Variants in ENTPD7 observed in about 807,000 individuals in gnomAD.
ENTPD7 encodes NTPDase 7.
Under a neutral mutation model 77.9 loss-of-function variants are expected in ENTPD7, and 53 were observed. The ratio of observed to expected loss-of-function variants is 0.68; its 90% CI spans 0.55 to 0.85. ENTPD7 has a LOEUF of 0.85. Among genes scored for constraint, ENTPD7 ranks in the 40% least tolerant of loss-of-function variants. The pLI is 0.00. For missense variants in ENTPD7, 636 were observed against 743.7 expected, an observed-to-expected ratio of 0.86 and a Z score of 1.68; for synonymous variants, 248 against 274.9, an observed-to-expected ratio of 0.90 and a Z score of 0.97.
rs2036312688 is a variant in ENTPD7, at chr10:99,709,293, A to C, written c.*4610A>C. The C allele has an allele frequency of 1.0e-6, 1 of 985,358 alleles. No individual in the cohort carries two copies. Among genetic ancestry groups the C allele is most frequent in the Non-Finnish European group, 1.2e-6 (1 of 829,900 alleles). 61.0% of individuals were successfully genotyped at this position (985,358 alleles called of 1,614,324 possible). A position where few individuals can be genotyped will look rare whatever the true frequency, so the allele number is the denominator to read the frequency against. ...TTTAAACTTTTCAAATTAATTCAAAACTAGTATCTAATTGTCCTTTTTGCT... is the reference window on the plus strand; with the variant it reads ...TTTAAACTTTTCAAATTAATTCAAACCTAGTATCTAATTGTCCTTTTTGCT... On this transcript the variant is annotated 3_prime_UTR_variant, in exon 13 of 13. Coordinates refer to ENST00000370489, the MANE Select transcript of ENTPD7 (RefSeq NM_020354.5).
chr10:99,688,983 C>T (rs1590048267), intron 7 of ENTPD7, among the ~76,000 whole-genome samples: 1 of 152,078 alleles, frequency 6.6e-6, no homozygotes, highest in Non-Finnish European at 1.5e-5. Flanking sequence ...GGACCCATTA[C>T]CCAGGCTCAA....
chr10:99,698,135 C>T (rs1452585584), intron 9 of ENTPD7, among the ~76,000 whole-genome samples: 1 of 152,202 alleles, frequency 6.6e-6, no homozygotes, highest in East Asian at 1.9e-4. Flanking sequence ...TCAGGAATCT[C>T]TCCCCACAGT....
intron 6 of ENTPD7, 116 bp from the exon 7 acceptor site, chr10:99,688,578 T>C: frequency 1.1e-6 from 1 of 934,564 alleles, no homozygotes; most frequent in Non-Finnish European, 1.6e-6. Flanking sequence ...GAGTATGGAA[T>C]AAAATACTAT....
intron 5 of ENTPD7, among the ~76,000 whole-genome samples, chr10:99,682,149 G>A (rs903089676): frequency 1.3e-5 from 2 of 151,028 alleles, no homozygotes; most frequent in Non-Finnish European, 2.9e-5. Flanking sequence ...GGTCTCATAG[G>A]CATCAGGTAT....
chr10:99,660,945 A>C (rs975906895), intron 2 of ENTPD7, among the ~76,000 whole-genome samples: 4 of 152,130 alleles, frequency 2.6e-5, no homozygotes, highest in Admixed American at 2.0e-4. Context: ...ATTACACAGC[A>C]ACTGGGTAGT....
intron 10 of ENTPD7, chr10:99,700,757 C>G (rs1451893939): frequency 1.7e-6 from 1 of 590,882 alleles, no homozygotes; most frequent in Non-Finnish European, 3.0e-6. Flanking sequence ...CTAAGAGGCT[C>G]AGAAGCCACA....
At chr10:99,698,455 T>C in intron 9 of ENTPD7, 79 bp from the exon 10 acceptor site, 1 of 1,365,066 alleles carries the variant, frequency 7.3e-7, no homozygotes, top group South Asian at 1.4e-5. Flanking sequence ...ATATTTCTGA[T>C]GCACATTGTG....
chr10:99,683,745 T>G (rs1184665419), intron 5 of ENTPD7, among the ~76,000 whole-genome samples: 3 of 152,156 alleles, frequency 2.0e-5, no homozygotes, highest in African/African-American at 7.2e-5. Context: ...ACATCTCTTA[T>G]CTTTTCATGT....
intron 7 of ENTPD7, 91 bp from the exon 8 acceptor site, chr10:99,691,294 T>C: frequency 2.9e-6 from 4 of 1,401,282 alleles, no homozygotes; most frequent in Non-Finnish European, 3.9e-6. Flanking sequence ...ACCTGCCTGC[T>C]TTCAAATTTT....
chr10:99,696,718 T>G (rs911504978), intron 9 of ENTPD7, among the ~76,000 whole-genome samples: 3 of 152,260 alleles, frequency 2.0e-5, no homozygotes, highest in Admixed American at 6.5e-5. Flanking sequence ...GTTTCTTTTT[T>G]GTTTTTTAAG....
chr10:99,665,524 A>T (rs1321904437), intron 3 of ENTPD7, among the ~76,000 whole-genome samples: 1 of 151,942 alleles, frequency 6.6e-6, no homozygotes, highest in Non-Finnish European at 1.5e-5. Context: ...TTCATTCATC[A>T]TTCATTCATT....
At position 99,679,866 on chromosome 10, in the gene ENTPD7, T is replaced by C; in HGVS notation, c.539T>C (p.Leu180Pro). The C allele has an allele frequency of 6.2e-7, 1 of 1,610,480 alleles. No individual in the cohort carries two copies. Among genetic ancestry groups the C allele is most frequent in the Non-Finnish European group, 8.5e-7 (1 of 1,179,102 alleles). ...CTCTGCACAGCAGGCATGAGGCTTC[T>C]CCCTGAGAGGTGAGATGCAGGGTAC... The part of the protein sequence containing the change: ...YILCTAGMRL[L>P]PERKQLAILA... The change falls in exon 5 of 13, where the codon CTC (leucine) becomes CCC (proline). Residue 180 changes from leucine to proline, a missense_variant. Leu to Pro is a moderately conservative substitution (Grantham distance 98). Coordinates refer to ENST00000370489, the MANE Select transcript of ENTPD7 (RefSeq NM_020354.5).
chr10:99,663,706 C>T lies in ENTPD7; in HGVS notation c.191+2078C>T, dbSNP rs980404777. Among the ~76,000 whole-genome samples, 11 of 152,300 alleles carry T rather than the reference C, an allele frequency of 7.2e-5. No homozygotes were observed. In the East Asian group the frequency reaches 2.1e-3, roughly 29 times the overall value. ...AAACTGCTGAGCTCAACCTATCCTC[C>T]TGCCTCGGCCTCCCAAAGTGCTGGG... On this transcript the variant is annotated intron_variant, in intron 3 of 12. Transcript: ENST00000370489.
At chr10:99,679,600 C>T (rs914766023) in intron 4 of ENTPD7, 125 bp from the exon 5 acceptor site, 34 of 1,426,842 alleles carry the variant, frequency 2.4e-5, no homozygotes, top group Middle Eastern at 4.0e-4. Flanking sequence ...CATTGTCACC[C>T]CCTACCTCTC....
chr10:99,691,411 T>C lies in ENTPD7; in HGVS notation c.736T>C (p.Leu246=), dbSNP rs765745100. 2 of 1,613,834 alleles carry C rather than the reference T, an allele frequency of 1.2e-6. No homozygotes were observed. Among genetic ancestry groups the C allele is most frequent in the Admixed American group, 3.3e-5 (2 of 60,000 alleles). ...ATCAGATGCTGAGGCTACCCAGGAA[T>C]TGGCAGCAGGACGGAGAAGGACAGT... ...DESDAEATQE[L]AAGRRRTVGI... The change falls in exon 8 of 13, where the codon TTG becomes CTG. Residue 246 remains leucine, a synonymous_variant. Coordinates refer to ENST00000370489, the MANE Select transcript of ENTPD7 (RefSeq NM_020354.5).
chr10:99,694,768 C>A (rs754261421), intron 8 of ENTPD7, among the ~76,000 whole-genome samples: 1 of 152,100 alleles, frequency 6.6e-6, no homozygotes, highest in Non-Finnish European at 1.5e-5. Context: ...AACTCCTGGC[C>A]TCAAGTGATC....
rs184330466 is a variant in ENTPD7, at chr10:99,711,222, T to G, written c.*6539T>G. The G allele has an allele frequency of 2.6e-5, 26 of 985,316 alleles. No homozygotes were observed. The African/African-American group carries it at 4.4e-4, about 17-fold the overall frequency. The allele number at this position is 985,316 out of a possible 1,614,324, so 61.0% of individuals were successfully genotyped here. A position where few individuals can be genotyped will look rare whatever the true frequency, so the allele number is the denominator to read the frequency against. On this transcript the variant is annotated 3_prime_UTR_variant, in exon 13 of 13. Coordinates refer to ENST00000370489, the MANE Select transcript of ENTPD7 (RefSeq NM_020354.5). The stretch of plus-strand genomic sequence containing the variant: ...CATCTGTAATAAAAGAAAAATGAAG[T>G]AAAACATCTGAAACCTTAACTTACT...
At position 99,659,894 on chromosome 10, in the gene ENTPD7, G is replaced by A; in HGVS notation, c.-63G>A. ...ACGTAGGAGATGCCTGGGACAAGGA[G>A]GCCACCTTCTCAGGGCAAAAGAAAA... On this transcript the variant is annotated 5_prime_UTR_variant, in exon 2 of 13. Transcript: ENST00000370489. This position sits in a 1 kb window ranked among gnomAD's most constrained non-coding sequence, Gnocchi z 4.1. 2.5e-6 allele frequency: 4 copies of A among 1,612,378 alleles called. No homozygotes were observed. The highest frequency in any genetic ancestry group is 1.1e-5 in the South Asian group (1 of 90,996).
chr10:99,675,845 C>T (rs1403020788), intron 3 of ENTPD7, among the ~76,000 whole-genome samples: 1 of 152,080 alleles, frequency 6.6e-6, no homozygotes, highest in Non-Finnish European at 1.5e-5. Flanking sequence ...ATCCACCCAC[C>T]TCGGCCTCCC....
Sources: gnomAD v4.1 joint callset for allele counts (sites outside exome capture counted in the v4.1 genomes callset) on GRCh38, gnomAD v4.1.1 for gene constraint, Gnocchi (gnomAD v3.1) non-coding constraint, MANE v1.5 for transcripts, NCBI Gene and HGNC (gene_info 2026-07-23, HGNC 2026-07-21) for gene names.